ADAMTS3: variants seen among roughly 807,000 people sequenced by gnomAD.
ADAMTS3 encodes ADAM metallopeptidase with thrombospondin type 1 motif 3, also known as A disintegrin and metalloproteinase with thrombospondin motifs 3.
Under a neutral mutation model 129.0 loss-of-function variants are expected in ADAMTS3, and 73 were observed. The ratio of observed to expected loss-of-function variants is 0.57; its 90% confidence interval spans 0.47 to 0.69. The LOEUF (loss-of-function observed/expected upper bound fraction) is 0.69, where lower values mean the gene tolerates loss of function less well. Among genes scored for constraint, ADAMTS3 ranks in the 30% least tolerant of loss-of-function variants. The pLI, the probability that ADAMTS3 is intolerant of heterozygous loss-of-function variation, is 0.00. For missense variants in ADAMTS3, 1,457 were observed against 1,514.5 expected, an observed-to-expected ratio of 0.96 and a Z score of 0.63; for synonymous variants, 477 against 510.8, an observed-to-expected ratio of 0.93 and a Z score of 0.89.
intron 3 of ADAMTS3, among the ~76,000 whole-genome samples, chr4:72,436,534 C>T (rs901836204): frequency 3.9e-5 from 6 of 152,118 alleles, no homozygotes; most frequent in Non-Finnish European, 8.8e-5. Context: ...ATAAATCATG[C>T]TGCTATAAAG....
chr4:72,305,726 C>A (rs757275762), intron 16 of ADAMTS3, among the ~76,000 whole-genome samples: 3 of 151,854 alleles, frequency 2.0e-5, no homozygotes, highest in Middle Eastern at 3.2e-3. Flanking sequence ...CTTACATATA[C>A]GTATGCACAT....
intron 5 of ADAMTS3, among the ~76,000 whole-genome samples, chr4:72,336,249 T>G (rs1419139916): frequency 6.6e-6 from 1 of 152,198 alleles, no homozygotes; most frequent in East Asian, 1.9e-4. Flanking sequence ...AATTTTTTGC[T>G]GTTAGCTTTC....
intron 4 of ADAMTS3, among the ~76,000 whole-genome samples, chr4:72,356,737 T>A (rs1048882363): frequency 4.0e-5 from 6 of 151,820 alleles, no homozygotes; most frequent in Admixed American, 6.6e-5. Flanking sequence ...TTGCATTTTT[T>A]ATATTAGCAT....
intron 3 of ADAMTS3, among the ~76,000 whole-genome samples, chr4:72,438,145 A>T (rs142292783): frequency 4.6e-5 from 7 of 151,806 alleles, no homozygotes; most frequent in African/African-American, 1.7e-4. Flanking sequence ...CTATATCCAG[A>T]GGTAATAGTA....
intron 4 of ADAMTS3, among the ~76,000 whole-genome samples, chr4:72,395,908 G>T (rs1466500800): frequency 6.6e-6 from 1 of 152,152 alleles, no homozygotes; most frequent in Non-Finnish European, 1.5e-5. Context: ...GGAATAGAGG[G>T]AGATAGGTTT....
intron 14 of ADAMTS3, 49 bp from the exon 15 acceptor site, chr4:72,309,569 T>C (rs1321154040): frequency 6.3e-7 from 1 of 1,591,730 alleles, no homozygotes; most frequent in Non-Finnish European, 8.6e-7. Context: ...TGCCCAGTAG[T>C]GGTCAACATC....
At position 72,434,875 on chromosome 4, in the gene ADAMTS3, T is replaced by C. The variant is rs545523166; in HGVS notation, c.505-19904A>G. ...GCAGTGAGCCGTCTATGCAGATGATTACATGTTAAAGATCTGAGTGTGGCC... is the reference window on the plus strand; with the variant it reads ...GCAGTGAGCCGTCTATGCAGATGATCACATGTTAAAGATCTGAGTGTGGCC... On this transcript the variant is annotated intron_variant, in intron 3 of 21. Transcript: ENST00000286657. Among the ~76,000 whole-genome samples, 3 of 151,912 alleles carry C rather than the reference T, an allele frequency of 2.0e-5. No homozygotes were observed. In the South Asian group the frequency reaches 6.2e-4, roughly 32 times the overall value.
chr4:72,360,369 A>G (rs1158724074), intron 4 of ADAMTS3, among the ~76,000 whole-genome samples: 1 of 152,036 alleles, frequency 6.6e-6, no homozygotes, highest in Non-Finnish European at 1.5e-5. Context: ...AAATTCTACA[A>G]TAATTAACCA....
At position 72,568,797 on chromosome 4, in the gene ADAMTS3, AGC is replaced by A; in HGVS notation, c.-37_-36del. The A allele has an allele frequency of 6.3e-7, 1 of 1,576,118 alleles. No individual in the cohort carries two copies. Among genetic ancestry groups the A allele is most frequent in the Non-Finnish European group, 8.7e-7 (1 of 1,146,190 alleles). On this transcript the variant is annotated 5_prime_UTR_variant, in exon 1 of 22. Transcript: ENST00000286657. ...AGTTCACTTTCCAACTACTGGGCAAAGCAAATGCCCAGAGCAAACCCACCCCC... is the reference window on the plus strand; with the variant it reads ...AGTTCACTTTCCAACTACTGGGCAAAAAATGCCCAGAGCAAACCCACCCCC...
At chr4:72,286,597 TCAAA>T (rs1289001330) in intron 21 of ADAMTS3, among the ~76,000 whole-genome samples, 1 of 152,210 alleles carries the variant, frequency 6.6e-6, no homozygotes, top group Non-Finnish European at 1.5e-5. Flanking sequence ...ATGTCAATAT[TCAAA>T]CAATGTCTTA....
chr4:72,556,080 G>A (rs919383852), intron 2 of ADAMTS3, among the ~76,000 whole-genome samples: 3 of 151,718 alleles, frequency 2.0e-5, no homozygotes, highest in African/African-American at 7.3e-5. Flanking sequence ...ACCAACCTAA[G>A]AGCAGTGTGA....
chr4:72,536,479 T>TA (rs1721188641), intron 3 of ADAMTS3, among the ~76,000 whole-genome samples: 1 of 152,216 alleles, frequency 6.6e-6, no homozygotes, highest in South Asian at 2.1e-4. Context: ...CACAAAATGC[T>TA]AAAACAAATC....
intron 3 of ADAMTS3, among the ~76,000 whole-genome samples, chr4:72,543,243 G>T (rs186248052): frequency 1.3e-5 from 2 of 152,190 alleles, no homozygotes; most frequent in African/African-American, 4.8e-5. Flanking sequence ...CCAGTCTCAG[G>T]TATATCTTTA....
At chr4:72,392,338 C>T (rs1301325249) in intron 4 of ADAMTS3, among the ~76,000 whole-genome samples, 1 of 152,108 alleles carries the variant, frequency 6.6e-6, no homozygotes, top group Non-Finnish European at 1.5e-5. Flanking sequence ...TTTCCACAGC[C>T]TTTATATTTC....
At chr4:72,537,400 C>CT (rs1013561000) in intron 3 of ADAMTS3, among the ~76,000 whole-genome samples, 16 of 151,374 alleles carry the variant, frequency 1.1e-4, no homozygotes, top group Admixed American at 2.6e-4. Flanking sequence ...ATAGAGATAG[C>CT]TTTTTTTTTC....
rs543860410 is a variant in ADAMTS3 at position 72,436,131 on chromosome 4, T to C, written c.505-21160A>G. Among the ~76,000 whole-genome samples the C allele has an allele frequency of 1.5e-4, 22 of 145,874 alleles. No individual in the cohort carries two copies. In the South Asian group the frequency reaches 1.9e-3, roughly 12 times the overall value. On this transcript the variant is annotated intron_variant, in intron 3 of 21. Coordinates refer to ENST00000286657, the MANE Select transcript of ADAMTS3 (RefSeq NM_014243.3). ...TGACAAAGGGCTAATACCAAGAATC[T>C]ACAAAGAACTTAAACAAATTTACAA...
intron 5 of ADAMTS3, among the ~76,000 whole-genome samples, chr4:72,332,345 G>A (rs1719872669): frequency 6.6e-6 from 1 of 152,154 alleles, no homozygotes; most frequent in Non-Finnish European, 1.5e-5. Context: ...ACCAGGGTAC[G>A]GCTGTGGAGT....
chr4:72,306,005 C>T lies in ADAMTS3; in HGVS notation c.2242G>A (p.Ala748Thr). ...CACTTACCAAGAATATGAGGAGAAGCCTCGTCTTCTTGGATTAACACATGT... is the reference window on the plus strand; with the variant it reads ...CACTTACCAAGAATATGAGGAGAAGTCTCGTCTTCTTGGATTAACACATGT... Reference protein sequence around the residue: ...ARHVLIQEDEASPHILAIKNQ... With the variant: ...ARHVLIQEDETSPHILAIKNQ... Residue 748 changes from alanine (A) to threonine (T), a missense_variant, in exon 16 of 22, where the codon GCT (alanine) becomes ACT (threonine). Transcript: ENST00000286657. 6.2e-7 allele frequency: 1 copy of T among 1,611,236 alleles called. No individual in the cohort carries two copies.
chr4:72,299,665 C>T (rs567985579), intron 17 of ADAMTS3, among the ~76,000 whole-genome samples: 2 of 152,098 alleles, frequency 1.3e-5, no homozygotes, highest in East Asian at 3.9e-4. Context: ...TAATTTTCAC[C>T]TTTATTAATT....
Sources: allele counts gnomAD v4.1 joint callset (sites outside exome capture counted in the v4.1 genomes callset), GRCh38; gene constraint gnomAD v4.1.1; transcripts MANE v1.5; gene names NCBI Gene and HGNC (gene_info 2026-07-23, HGNC 2026-07-21).